Variants in PTPRO observed in about 807,000 individuals in gnomAD.
The protein encoded by PTPRO is protein tyrosine phosphatase receptor type O.
In PTPRO, 62 loss-of-function variants were observed where a neutral mutation model predicts 145.2. The observed-to-expected ratio is 0.43, with a 90% CI of 0.35 to 0.53. PTPRO has a LOEUF of 0.53. Ranked by LOEUF, PTPRO falls within the 20% of genes least tolerant of loss-of-function variation. The pLI is 0.01. For missense variants in PTPRO, 1,345 were observed against 1,482.7 expected (o/e 0.91, Z 1.53); for synonymous variants, 565 against 514.7 (o/e 1.10, Z -1.32).
At position 15,520,306 on chromosome 12, in the gene PTPRO, A is replaced by G. The variant is rs781049433; in HGVS notation, c.1885A>G (p.Ile629Val). The change falls in exon 10 of 27, where the codon ATA (isoleucine) becomes GTA (valine). Residue 629 changes from isoleucine (I) to valine (V), a missense_variant. By Grantham distance (29) the Ile-to-Val change is conservative. Around this residue, in one of 3 missense-constraint regions of PTPRO, gnomAD observed 1,130 missense variants for 1,214.7 expected, o/e 0.93. Transcript: ENST00000281171. The part of the protein sequence containing the change: ...SCCDSSTISF[I>V]TAPVAPEITS... The stretch of plus-strand genomic sequence containing the variant: ...CTGTGACAGCTCTACCATCAGCTTC[A>G]TAACAGGTGAGGCATGTGTGGGGAA... The G allele has an allele frequency of 3.7e-5, 60 of 1,608,456 alleles. No individual in the cohort carries two copies. The African/African-American group carries it at 4.0e-4, about 11-fold the overall frequency.
chr12:15,339,956 T>C (rs151212815), intron 1 of PTPRO, among the ~76,000 whole-genome samples: 11 of 152,296 alleles, frequency 7.2e-5, no homozygotes, highest in African/African-American at 2.6e-4. Context: ...GTATATAAGA[T>C]ATGTCCCAAA....
intron 7 of PTPRO, among the ~76,000 whole-genome samples, chr12:15,511,349 T>A (rs1333385445): frequency 1.3e-5 from 2 of 152,116 alleles, no homozygotes; most frequent in Non-Finnish European, 2.9e-5. Context: ...AACATAGAAG[T>A]GTAAATATAG....
Position 15,549,208 on chromosome 12 carries a change from A to G in PTPRO, c.2419A>G (p.Ile807Val). ...SHDSPSVPTF[I>V]AVSTMVTEMN... ...TGACAGCCCCAGTGTCCCTACGTTC[A>G]TAGCCGTCTCAACAATGGGTAATTA... Residue 807 changes from isoleucine (I) to valine (V), a missense_variant, in exon 14 of 27, where the codon ATA (isoleucine) becomes GTA (valine). This residue lies in a region of PTPRO where 1,130 missense variants were observed against 1,214.7 expected (regional missense o/e 0.93). Coordinates refer to ENST00000281171, the MANE Select transcript of PTPRO (RefSeq NM_030667.3). The G allele has an allele frequency of 2.5e-6, 4 of 1,608,194 alleles. No individual in the cohort carries two copies. In the South Asian group the frequency reaches 4.4e-5, roughly 18 times the overall value.
intron 1 of PTPRO, among the ~76,000 whole-genome samples, chr12:15,356,797 C>T (rs1209550927): frequency 6.6e-6 from 1 of 151,874 alleles, no homozygotes. Flanking sequence ...AATGTTATTC[C>T]TTTTCTTTTT....
intron 1 of PTPRO, among the ~76,000 whole-genome samples, chr12:15,383,592 T>C (rs1380748617): frequency 6.6e-6 from 1 of 152,182 alleles, no homozygotes; most frequent in Non-Finnish European, 1.5e-5. Context: ...CCCAAGGTGA[T>C]TGGGTTACAC....
intron 12 of PTPRO, among the ~76,000 whole-genome samples, chr12:15,528,037 G>T (rs563390854): frequency 4.4e-4 from 67 of 152,170 alleles, no homozygotes; most frequent in South Asian, 6.2e-4. Context: ...ATTTATCAGA[G>T]AAATTTTTAA....
At chr12:15,559,126 T>A (rs1943711696) in intron 16 of PTPRO, among the ~76,000 whole-genome samples, 1 of 152,194 alleles carries the variant, frequency 6.6e-6, no homozygotes, top group Non-Finnish European at 1.5e-5. Context: ...TATTTAATAC[T>A]TGTGACTCAT....
chr12:15,442,112 G>C (rs1940784057), intron 1 of PTPRO, among the ~76,000 whole-genome samples: 1 of 152,088 alleles, frequency 6.6e-6, no homozygotes, highest in Non-Finnish European at 1.5e-5. Flanking sequence ...CAAAATGCTA[G>C]CATACTGAAT....
intron 1 of PTPRO, among the ~76,000 whole-genome samples, chr12:15,475,808 C>T (rs1188176594): frequency 6.6e-6 from 1 of 152,086 alleles, no homozygotes; most frequent in Non-Finnish European, 1.5e-5. Context: ...ATCCCCAGTA[C>T]TTAGCAGGCT....
intron 1 of PTPRO, among the ~76,000 whole-genome samples, chr12:15,395,809 T>TCA (rs34553766): frequency 0.22 from 31,919 of 147,812 alleles, 3,481 homozygotes; most frequent in Admixed American, 0.32. Context: ...CAATTAAAGA[T>TCA]CACACACACA....
chr12:15,464,473 G>A (rs568786046), intron 1 of PTPRO, among the ~76,000 whole-genome samples: 2 of 151,488 alleles, frequency 1.3e-5, no homozygotes, highest in South Asian at 4.2e-4. Context: ...TCCTGCCTCA[G>A]CCTCCTAAGT....
chr12:15,364,043 T>A (rs942754314), intron 1 of PTPRO, among the ~76,000 whole-genome samples: 1 of 152,196 alleles, frequency 6.6e-6, no homozygotes, highest in African/African-American at 2.4e-5. Context: ...ATTTGTTAAA[T>A]CTAGATTACT....
At position 15,419,687 on chromosome 12, in the gene PTPRO, G is replaced by A. The variant is rs114919238; in HGVS notation, c.76-64287G>A. ...AGAGCATAACATTTCAGTAGGCACT[G>A]TGTACACGAGATACAGCAGAAGAAT... On this transcript the variant is annotated intron_variant, in intron 1 of 26. Coordinates refer to ENST00000281171, the MANE Select transcript of PTPRO (RefSeq NM_030667.3). Among the ~76,000 whole-genome samples, 1,442 of 150,862 alleles carry A rather than the reference G, an allele frequency of 9.6e-3. 70 individuals are homozygous for A. Among genetic ancestry groups the A allele is most frequent in the African/African-American group, 0.033 (1,326 of 40,700 alleles).
Position 15,457,213 on chromosome 12 carries a change from C to T in PTPRO, c.76-26761C>T, listed in dbSNP as rs565119602. On this transcript the variant is annotated intron_variant, in intron 1 of 26. Coordinates refer to ENST00000281171, the MANE Select transcript of PTPRO (RefSeq NM_030667.3). ...GGCCACAGACTGAAGGCTGCACTGTCGGCTTCCCTGCCTTTAAGGCTTTTA... is the reference window on the plus strand; with the variant it reads ...GGCCACAGACTGAAGGCTGCACTGTTGGCTTCCCTGCCTTTAAGGCTTTTA... 9.2e-5 allele frequency among the ~76,000 whole-genome samples: 14 copies of T among 152,326 alleles called. No homozygotes were observed. The South Asian group carries it at 1.2e-3, about 14-fold the overall frequency.
chr12:15,441,321 C>T (rs1002358649), intron 1 of PTPRO, among the ~76,000 whole-genome samples: 2 of 145,002 alleles, frequency 1.4e-5, no homozygotes, highest in South Asian at 2.2e-4. Flanking sequence ...AACAGAGACA[C>T]AACATACCAA....
intron 10 of PTPRO, among the ~76,000 whole-genome samples, chr12:15,524,188 C>T (rs1469572073): frequency 6.8e-6 from 1 of 146,644 alleles, no homozygotes; most frequent in Non-Finnish European, 1.5e-5. Context: ...CTTGTTCTTC[C>T]CTTCTTTCTC....
intron 1 of PTPRO, among the ~76,000 whole-genome samples, chr12:15,454,350 G>A (rs536120443): frequency 2.2e-4 from 34 of 152,174 alleles, no homozygotes; most frequent in African/African-American, 7.5e-4. Context: ...TTTTGGCCAC[G>A]TGTATGTCTT....
intron 1 of PTPRO, among the ~76,000 whole-genome samples, chr12:15,338,746 T>C (rs1360132508): frequency 6.6e-6 from 1 of 152,126 alleles, no homozygotes; most frequent in Admixed American, 6.6e-5. Context: ...TATAAATAAG[T>C]CTGAACAAAA....
intron 1 of PTPRO, among the ~76,000 whole-genome samples, chr12:15,451,131 G>A (rs1484108121): frequency 6.6e-6 from 1 of 151,976 alleles, no homozygotes; most frequent in African/African-American, 2.4e-5. Flanking sequence ...AAGGTAAAGG[G>A]ATGGAAAAAG....
Sources: allele counts gnomAD v4.1 joint callset (sites outside exome capture counted in the v4.1 genomes callset), GRCh38; gene constraint gnomAD v4.1.1; regional missense constraint gnomAD v4.1.1; transcripts MANE v1.5; gene names NCBI Gene and HGNC (gene_info 2026-07-23, HGNC 2026-07-21).